The following MCC variants were observed in gnomAD, a reference collection of about 807,000 sequenced individuals.
The protein encoded by MCC is colorectal mutant cancer protein.
Under a neutral mutation model 116.2 loss-of-function variants are expected in MCC, and 90 were observed. The ratio of observed to expected loss-of-function variants is 0.77; its 90% CI spans 0.65 to 0.92. The LOEUF (loss-of-function observed/expected upper bound fraction) is 0.92. Among genes scored for constraint, MCC ranks in the 40% least tolerant of loss-of-function variants. The pLI, the probability that MCC is intolerant of heterozygous loss-of-function variation, is 0.00. For missense variants in MCC, 1,516 were observed against 1,312.2 expected (o/e 1.16, Z -2.40); for synonymous variants, 578 against 510.5 (o/e 1.13, Z -1.78).
chr5:113,384,818 G>A (rs1027773170), intron 2 of MCC, 150 bp downstream of exon 2: 3 of 788,470 alleles, frequency 3.8e-6, no homozygotes, highest in Non-Finnish European at 6.1e-6. Context: ...GGGAAACAGT[G>A]AGCACTCCCC....
rs1029513965 is a variant in MCC, at chr5:113,353,985, C to A, written c.416-13255G>T. Among the ~76,000 whole-genome samples, 20 of 152,298 alleles carry A rather than the reference C, an allele frequency of 1.3e-4. No individual in the cohort carries two copies. In the East Asian group the frequency reaches 3.8e-3, roughly 29 times the overall value. The stretch of plus-strand genomic sequence containing the variant: ...ATTGTCCACTGAGAGTCAATATCAG[C>A]AATTTGCCAATATAATTCTATTGAT... On this transcript the variant is annotated intron_variant, in intron 2 of 18. Coordinates refer to ENST00000408903, the MANE Select transcript of MCC (RefSeq NM_001085377.2).
intron 5 of MCC, among the ~76,000 whole-genome samples, chr5:113,124,388 T>C (rs1581111456): frequency 6.6e-6 from 1 of 152,344 alleles, no homozygotes; most frequent in East Asian, 1.9e-4. Flanking sequence ...AAGGGAGATT[T>C]TGTGTATGAT....
At chr5:113,069,087 C>A (rs1256890893) in intron 12 of MCC, among the ~76,000 whole-genome samples, 1 of 152,194 alleles carries the variant, frequency 6.6e-6, no homozygotes, top group Non-Finnish European at 1.5e-5. Context: ...ATGAAAAAGT[C>A]CATTCCTCCA....
chr5:113,059,254 C>G (rs1204689787), intron 14 of MCC, among the ~76,000 whole-genome samples: 3 of 152,210 alleles, frequency 2.0e-5, no homozygotes, highest in African/African-American at 4.8e-5. Context: ...ATAAACCTCA[C>G]AGCCCCTCCG....
intron 3 of MCC, among the ~76,000 whole-genome samples, chr5:113,204,180 G>A (rs1762811802): frequency 2.0e-5 from 3 of 152,104 alleles, no homozygotes; most frequent in Non-Finnish European, 2.9e-5. Flanking sequence ...TGCAAGAACC[G>A]TTTCATCAGC....
intron 17 of MCC, among the ~76,000 whole-genome samples, chr5:113,030,396 G>A (rs1750872033): frequency 6.6e-6 from 1 of 152,104 alleles, no homozygotes; most frequent in Non-Finnish European, 1.5e-5. Context: ...TGCAGATGGA[G>A]GGCTGGGGGC....
intron 3 of MCC, among the ~76,000 whole-genome samples, chr5:113,335,166 T>C (rs1235852954): frequency 1.3e-5 from 2 of 151,646 alleles, no homozygotes; most frequent in Non-Finnish European, 2.9e-5. Flanking sequence ...ACCATAATGA[T>C]TGTAGTGTGT....
intron 9 of MCC, 128 bp downstream of exon 9, chr5:113,085,036 A>T (rs1163696987): frequency 7.8e-7 from 1 of 1,282,544 alleles, no homozygotes; most frequent in African/African-American, 1.5e-5. Context: ...AGGCCTGCGT[A>T]AGGTCCCAGG....
rs958540463 is a variant in MCC, at chr5:113,316,307, A to G, written c.627+24212T>C. Among the ~76,000 whole-genome samples the G allele has an allele frequency of 3.9e-5, 6 of 152,220 alleles. No homozygotes were observed. In the East Asian group the frequency reaches 1.2e-3, roughly 29 times the overall value. On this transcript the variant is annotated intron_variant, in intron 3 of 18. Transcript: ENST00000408903. ...TGTTATATTAAGTAGTCTACTTATC[A>G]TAAGTCATATTCACAACTGAAAGGC...
intron 2 of MCC, among the ~76,000 whole-genome samples, chr5:113,376,114 TC>T (rs1201968385): frequency 6.6e-6 from 1 of 152,228 alleles, no homozygotes. Flanking sequence ...GTAATATTGA[TC>T]TTTAACTCAT....
intron 3 of MCC, among the ~76,000 whole-genome samples, chr5:113,322,122 G>A (rs140756612): frequency 6.7e-4 from 102 of 152,238 alleles, no homozygotes; most frequent in Admixed American, 1.4e-3. Flanking sequence ...ATGAGCCACC[G>A]CACCTGGCCC....
intron 3 of MCC, among the ~76,000 whole-genome samples, chr5:113,266,484 T>C (rs190654082): frequency 8.5e-5 from 13 of 152,344 alleles, no homozygotes; most frequent in Admixed American, 4.6e-4. Flanking sequence ...CATAGGGCTT[T>C]ATTTGTATTT....
In MCC at chr5:113,293,081, A is replaced by C. The variant is rs531655033; in HGVS notation, c.627+47438T>G. 1.6e-4 allele frequency among the ~76,000 whole-genome samples: 25 copies of C among 152,240 alleles called. No homozygotes were observed. In the South Asian group the frequency reaches 3.3e-3, roughly 20 times the overall value. Reference sequence around the variant, plus strand: ...TACTTCATTCAGCCAGCACCTCAAAATGCTATTTCAAACCGGAGCAGGAAC... The same window carrying C: ...TACTTCATTCAGCCAGCACCTCAAACTGCTATTTCAAACCGGAGCAGGAAC... On this transcript the variant is annotated intron_variant, in intron 3 of 18. Coordinates refer to ENST00000408903, the MANE Select transcript of MCC (RefSeq NM_001085377.2).
chr5:113,127,759 T>G (rs1351981777), intron 5 of MCC, among the ~76,000 whole-genome samples: 1 of 152,232 alleles, frequency 6.6e-6, no homozygotes, highest in Non-Finnish European at 1.5e-5. Flanking sequence ...GTTTGATGCA[T>G]AGTTTGCAAA....
At chr5:113,185,073 G>C (rs183703751) in intron 3 of MCC, among the ~76,000 whole-genome samples, 18 of 152,278 alleles carry the variant, frequency 1.2e-4, no homozygotes, top group Admixed American at 7.8e-4. Context: ...ACCACACCAC[G>C]TTAGGCCACT....
intron 1 of MCC, among the ~76,000 whole-genome samples, chr5:113,472,805 A>T (rs1413095527): frequency 6.6e-6 from 1 of 152,234 alleles, no homozygotes; most frequent in Non-Finnish European, 1.5e-5. Context: ...ATGTAAGCAT[A>T]TGGTTAGAGA....
chr5:113,076,639 T>C (rs867343255), intron 11 of MCC, among the ~76,000 whole-genome samples: 1 of 152,138 alleles, frequency 6.6e-6, no homozygotes, highest in Admixed American at 6.5e-5. Context: ...CAGGCCTGCC[T>C]TACAAGAGCT....
chr5:113,074,704 G>A (rs571443648), intron 11 of MCC, among the ~76,000 whole-genome samples: 2 of 152,216 alleles, frequency 1.3e-5, no homozygotes, highest in African/African-American at 4.8e-5. Context: ...TGACCTGAAG[G>A]AGCTGAAAAC....
intron 8 of MCC, among the ~76,000 whole-genome samples, chr5:113,096,007 C>G (rs1755984351): frequency 6.6e-6 from 1 of 152,152 alleles, no homozygotes; most frequent in South Asian, 2.1e-4. Flanking sequence ...CTTGGGAGCC[C>G]CGGGGTGCCT....
Sources: gnomAD v4.1 joint callset for allele counts (sites outside exome capture counted in the v4.1 genomes callset) on GRCh38, gnomAD v4.1.1 for gene constraint, MANE v1.5 for transcripts, NCBI Gene and HGNC (gene_info 2026-07-23, HGNC 2026-07-21) for gene names.